Variants in MUCL1 observed in about 807,000 individuals in gnomAD.
MUCL1 encodes the protein mucin like 1.
Under a neutral mutation model 9.2 loss-of-function variants are expected in MUCL1, and 11 were observed. The observed-to-expected ratio is 1.19, with a 90% CI of 0.75 to 1.97. The LOEUF (loss-of-function observed/expected upper bound fraction) is 1.97, where lower values mean the gene tolerates loss of function less well. Ranked by LOEUF, MUCL1 falls within the 30% of genes most tolerant of loss-of-function variation. MUCL1 has a pLI of 0.00. For missense variants in MUCL1, 144 were observed against 110.9 expected (o/e 1.30, Z -1.34); for synonymous variants, 48 against 40.5 (o/e 1.19, Z -0.71).
chr12:54,845,257 C>G (rs919430012), intron 1 of MUCL1, among the ~76,000 whole-genome samples: 4 of 152,006 alleles, frequency 2.6e-5, no homozygotes, highest in African/African-American at 9.7e-5. Context: ...GCTCTCTGCC[C>G]AATGCATATA....
At position 54,856,747 on chromosome 12, in the gene MUCL1, A is replaced by G. The variant is rs1374992123; in HGVS notation, c.101-23A>G. 5 of 1,591,176 alleles carry G rather than the reference A, an allele frequency of 3.1e-6. No homozygotes were observed. In the African/African-American group the frequency reaches 6.7e-5, roughly 21 times the overall value. On this transcript the variant is annotated intron_variant, in intron 2 of 3. Coordinates refer to ENST00000308796, the MANE Select transcript of MUCL1 (RefSeq NM_058173.3). ...GTTCCAGAAGGAGTCAGTCTCACCT[A>G]GAGCTTTTCCTTCTAATTTCAGCTG...
At chr12:54,835,104 G>C (rs1450439479), upstream of MUCL1, among the ~76,000 whole-genome samples, 1 of 152,144 alleles carries the variant, frequency 6.6e-6, no homozygotes, top group Non-Finnish European at 1.5e-5. Context: ...TTTTATGGCT[G>C]AGTAGTATTC....
chr12:54,836,337 C>T (rs566534426), upstream of MUCL1, among the ~76,000 whole-genome samples: 2 of 152,220 alleles, frequency 1.3e-5, no homozygotes, highest in Non-Finnish European at 2.9e-5. Flanking sequence ...TTGTATGTTT[C>T]TAGAAATTTA....
At chr12:54,855,421 G>T (rs935239233) in intron 2 of MUCL1, 1 of 431,342 alleles carries the variant, frequency 2.3e-6, no homozygotes, top group Non-Finnish European at 4.3e-6. Flanking sequence ...CCAGCATAAG[G>T]CACAAGAGCA....
At chr12:54,847,483 T>A (rs1592247858) in intron 1 of MUCL1, among the ~76,000 whole-genome samples, 2 of 152,048 alleles carry the variant, frequency 1.3e-5, no homozygotes, top group Non-Finnish European at 2.9e-5. Flanking sequence ...GTCATGGCGG[T>A]GCATGCCTGT....
At chr12:54,854,260 A>G (rs1868280661), upstream of MUCL1, among the ~76,000 whole-genome samples, 1 of 152,146 alleles carries the variant, frequency 6.6e-6, no homozygotes, top group Non-Finnish European at 1.5e-5. Flanking sequence ...GAGACACTAT[A>G]CCCTACATGT....
intron 1 of MUCL1, among the ~76,000 whole-genome samples, chr12:54,843,263 C>T (rs907034986): frequency 6.6e-6 from 1 of 152,126 alleles, no homozygotes; most frequent in Non-Finnish European, 1.5e-5. Context: ...ATGATGTTTG[C>T]TGTTAATTAA....
chr12:54,850,085 G>C (rs966187589), upstream of MUCL1, among the ~76,000 whole-genome samples: 1 of 152,166 alleles, frequency 6.6e-6, no homozygotes, highest in Non-Finnish European at 1.5e-5. Flanking sequence ...TCAGGGAGGA[G>C]GGCTCTTTAT....
upstream of MUCL1, among the ~76,000 whole-genome samples, chr12:54,850,740 C>T (rs1293561327): frequency 6.6e-6 from 1 of 152,200 alleles, no homozygotes; most frequent in Non-Finnish European, 1.5e-5. Flanking sequence ...GCCACACTGA[C>T]TTCCACAAGG....
At chr12:54,834,802 G>A (rs7970410), upstream of MUCL1, among the ~76,000 whole-genome samples, 31,455 of 151,814 alleles carry the variant, frequency 0.21, 3,705 homozygotes, top group Middle Eastern at 0.29. Context: ...TTATATGGAT[G>A]AATTGTAGAG....
In MUCL1 at chr12:54,858,074, T is replaced by C; in HGVS notation, c.224-119T>C. ...CCGTAATAACAATCCCATGTTCCTT[T>C]CGAATCCCCTGAGTTTAGTTGACAT... On this transcript the variant is annotated intron_variant, in intron 3 of 3. Transcript: ENST00000308796. The C allele has an allele frequency of 2.5e-6, 3 of 1,223,380 alleles. No homozygotes were observed. In the South Asian group the frequency reaches 3.8e-5, roughly 16 times the overall value. 75.8% of individuals were successfully genotyped at this position (1,223,380 alleles called of 1,614,324 possible).
chr12:54,856,705 T>G, intron 2 of MUCL1, 65 bp from the exon 3 acceptor site: 2 of 1,550,136 alleles, frequency 1.3e-6, no homozygotes, highest in Non-Finnish European at 1.7e-6. Context: ...TGTCTACCCC[T>G]GGGTGGGATA....
chr12:54,835,339 T>A (rs1267879961), upstream of MUCL1, among the ~76,000 whole-genome samples: 3 of 152,164 alleles, frequency 2.0e-5, no homozygotes, highest in East Asian at 5.8e-4. Context: ...CATACTGTTT[T>A]CCATAGAGGT....
intron 1 of MUCL1, among the ~76,000 whole-genome samples, chr12:54,846,853 A>G (rs541654179): frequency 4.1e-4 from 60 of 147,556 alleles, no homozygotes; most frequent in Admixed American, 1.7e-3. Flanking sequence ...CTTTAGGTGT[A>G]TGCTGTTTTT....
intron 1 of MUCL1, among the ~76,000 whole-genome samples, chr12:54,846,080 A>T (rs1948141): frequency 0.45 from 68,806 of 152,096 alleles, 16,553 homozygotes; most frequent in East Asian, 0.84. Flanking sequence ...CTTCGAGCCC[A>T]TATGTGATCC....
intron 2 of MUCL1, among the ~76,000 whole-genome samples, chr12:54,855,981 G>A (rs1016392640): frequency 6.6e-6 from 1 of 152,158 alleles, no homozygotes; most frequent in Non-Finnish European, 1.5e-5. Flanking sequence ...TATTTGCTGA[G>A]GTGAGTCTAA....
chr12:54,837,968 T>G (rs1460186601), upstream of MUCL1, among the ~76,000 whole-genome samples: 2 of 152,218 alleles, frequency 1.3e-5, no homozygotes, highest in African/African-American at 2.4e-5. Context: ...GTTTCAGTCA[T>G]CATATTGATT....
rs1356846698 is a variant in MUCL1, at chr12:54,847,198, A to C, written c.43+7751A>C. ...TTCCTCTAGTTAACTCTCATGTATC[A>C]AGAAGTAACCGAGTGCCGGGCACTC... On this transcript the variant is annotated intron_variant, in intron 1 of 3. Transcript: ENST00000546809. 2.0e-5 allele frequency among the ~76,000 whole-genome samples: 3 copies of C among 152,150 alleles called. No individual in the cohort carries two copies. The East Asian group carries it at 5.8e-4, about 29-fold the overall frequency.
Position 54,840,836 on chromosome 12 carries a change from C to T in MUCL1, c.43+1389C>T, listed in dbSNP as rs77715551. Reference sequence around the variant, plus strand: ...GGCAGTAAACCCCACCCAGCTCCCACGCATTTGGCAAAGCAGGCCTCATAC... The same window carrying T: ...GGCAGTAAACCCCACCCAGCTCCCATGCATTTGGCAAAGCAGGCCTCATAC... On this transcript the variant is annotated intron_variant, in intron 1 of 3. Coordinates refer to the MUCL1 transcript ENST00000546809. Among the ~76,000 whole-genome samples, 918 of 152,262 alleles carry T rather than the reference C, an allele frequency of 6.0e-3. 9 individuals carry two copies. The highest frequency in any genetic ancestry group is 0.021 in the African/African-American group (858 of 41,550).
Sources: gnomAD v4.1 joint callset for allele counts (sites outside exome capture counted in the v4.1 genomes callset) on GRCh38, gnomAD v4.1.1 for gene constraint, MANE v1.5 for transcripts, NCBI Gene and HGNC (gene_info 2026-07-23, HGNC 2026-07-21) for gene names.